Variants in BCAR3 observed in about 807,000 individuals in gnomAD.
BCAR3 encodes the protein breast cancer anti-estrogen resistance protein 3.
In BCAR3, 37 loss-of-function variants were observed where a neutral mutation model predicts 80.1. That is an observed-to-expected ratio of 0.46 (90% CI 0.36 to 0.61). BCAR3 has a LOEUF of 0.61. BCAR3 is among the 20% of genes least tolerant of loss of function. BCAR3 has a pLI of 0.00. For synonymous variants in BCAR3, 389 were observed against 418.9 expected, an observed-to-expected ratio of 0.93 and a Z score of 0.87; for missense variants, 978 against 1,068.2, an observed-to-expected ratio of 0.92 and a Z score of 1.18.
At chr1:93,608,764 G>T (rs1674857063) in intron 3 of BCAR3, among the ~76,000 whole-genome samples, 1 of 152,200 alleles carries the variant, frequency 6.6e-6, no homozygotes, top group Admixed American at 6.5e-5. Flanking sequence ...GATGCCAATG[G>T]AATGCATTTA....
chr1:93,688,802 GTTTT>G (rs1416396704), intron 3 of BCAR3, among the ~76,000 whole-genome samples: 1 of 138,130 alleles, frequency 7.2e-6, no homozygotes, highest in African/African-American at 3.0e-5. Flanking sequence ...TTGTTTGTTT[GTTTT>G]TTGTATTTTT....
intron 2 of BCAR3, among the ~76,000 whole-genome samples, chr1:93,821,286 T>C (rs1285308315): frequency 6.6e-6 from 1 of 152,116 alleles, no homozygotes; most frequent in Non-Finnish European, 1.5e-5. Flanking sequence ...AGGAATCTCC[T>C]GCAGAGGCCA....
intron 2 of BCAR3, among the ~76,000 whole-genome samples, chr1:93,731,475 CA>C (rs1650786725): frequency 6.6e-6 from 1 of 151,862 alleles, no homozygotes; most frequent in Non-Finnish European, 1.5e-5. Flanking sequence ...GATTCTATGC[CA>C]GGGGAAAGCC....
intron 2 of BCAR3, among the ~76,000 whole-genome samples, chr1:93,768,339 T>C (rs1652230559): frequency 6.6e-6 from 1 of 152,000 alleles, no homozygotes. Flanking sequence ...CAATCAACAG[T>C]AGAATCCATG....
At chr1:93,740,309 A>G (rs1041612815) in intron 2 of BCAR3, among the ~76,000 whole-genome samples, 3 of 152,184 alleles carry the variant, frequency 2.0e-5, no homozygotes, top group Non-Finnish European at 4.4e-5. Context: ...TAACAGCACA[A>G]AGTCAAAGGG....
chr1:93,737,667 C>T (rs1051342168), intron 2 of BCAR3, among the ~76,000 whole-genome samples: 2 of 152,192 alleles, frequency 1.3e-5, no homozygotes, highest in Non-Finnish European at 2.9e-5. Flanking sequence ...TCATTTGTTA[C>T]AGCAACCCTA....
chr1:93,580,243 T>C (rs1406331749), intron 7 of BCAR3, among the ~76,000 whole-genome samples: 1 of 152,184 alleles, frequency 6.6e-6, no homozygotes, highest in Non-Finnish European at 1.5e-5. Flanking sequence ...TGCAGGAGTG[T>C]TCTGAGACTG....
intron 2 of BCAR3, among the ~76,000 whole-genome samples, chr1:93,790,613 T>A (rs1311711745): frequency 8.4e-6 from 1 of 118,350 alleles, no homozygotes; most frequent in East Asian, 2.2e-4. Flanking sequence ...ACACTTATAG[T>A]CTTTTTTTTT....
At chr1:93,591,308 C>G (rs563875288) in intron 4 of BCAR3, among the ~76,000 whole-genome samples, 2 of 151,876 alleles carry the variant, frequency 1.3e-5, no homozygotes, top group South Asian at 2.1e-4. Flanking sequence ...AACCCCGTCT[C>G]TACTAAAAAT....
rs919862286 is a variant in BCAR3, at chr1:93,573,615, A to ATTTGTTTTTTTTT, written c.1803-1775_1803-1774insAAAAAAAAACAAA. On this transcript the variant is annotated intron_variant, in intron 8 of 11. Transcript: ENST00000260502. The stretch of plus-strand genomic sequence containing the variant: ...CATAGACCTAAAATATATTTTTATT[A>ATTTGTTTTTTTTT]TTATTATTATTATTATTATTTTTTT... Among the ~76,000 whole-genome samples, 5 of 129,794 alleles carry ATTTGTTTTTTTTT rather than the reference A, an allele frequency of 3.9e-5. 1 individual carries two copies. The highest frequency in any genetic ancestry group is 1.5e-4 in the Admixed American group (2 of 13,122). 85.1% of individuals were successfully genotyped at this position (129,794 alleles called of 152,430 possible).
At chr1:93,593,892 C>T (rs1674314370) in intron 3 of BCAR3, among the ~76,000 whole-genome samples, 1 of 152,150 alleles carries the variant, frequency 6.6e-6, no homozygotes, top group African/African-American at 2.4e-5. Flanking sequence ...GTTTACTTCT[C>T]CCTCCTTCTC....
intron 2 of BCAR3, among the ~76,000 whole-genome samples, chr1:93,673,889 A>C (rs1204006156): frequency 6.6e-6 from 1 of 152,246 alleles, no homozygotes. Flanking sequence ...CATAGTTCAG[A>C]ATCTGATGCT....
At chr1:93,763,333 G>C (rs1050416182) in intron 2 of BCAR3, among the ~76,000 whole-genome samples, 2 of 152,144 alleles carry the variant, frequency 1.3e-5, no homozygotes, top group Admixed American at 1.3e-4. Flanking sequence ...CAAAGTGCTG[G>C]GATTATAGAC....
At chr1:93,635,667 C>T (rs556993593) in intron 3 of BCAR3, among the ~76,000 whole-genome samples, 1 of 152,314 alleles carries the variant, frequency 6.6e-6, no homozygotes, top group South Asian at 2.1e-4. Context: ...TCACTGCTGG[C>T]GGTGTTTGAT....
At chr1:93,686,898 A>C (rs888901043) in intron 3 of BCAR3, among the ~76,000 whole-genome samples, 1 of 152,222 alleles carries the variant, frequency 6.6e-6, no homozygotes, top group African/African-American at 2.4e-5. Context: ...CAGGTACCAC[A>C]AACTAAATAA....
intron 3 of BCAR3, among the ~76,000 whole-genome samples, chr1:93,687,394 G>C (rs1003228617): frequency 6.6e-6 from 1 of 152,110 alleles, no homozygotes; most frequent in African/African-American, 2.4e-5. Context: ...TGCAAACTCC[G>C]TCTCTTGGGT....
chr1:93,685,563 AT>A (rs1176316221), upstream of BCAR3, among the ~76,000 whole-genome samples: 1 of 152,172 alleles, frequency 6.6e-6, no homozygotes, highest in Admixed American at 6.5e-5. Flanking sequence ...TTTACCAAAC[AT>A]TTAGCTTGTT....
chr1:93,629,251 G>A (rs1675536424), intron 3 of BCAR3, among the ~76,000 whole-genome samples: 1 of 152,148 alleles, frequency 6.6e-6, no homozygotes, highest in Admixed American at 6.5e-5. Context: ...GGCACACGCT[G>A]TCTCCCAGGC....
intron 3 of BCAR3, among the ~76,000 whole-genome samples, chr1:93,691,411 G>C (rs1649182778): frequency 6.6e-6 from 1 of 152,248 alleles, no homozygotes; most frequent in South Asian, 2.1e-4. Flanking sequence ...CTTCCCTGTG[G>C]GGTACACACA....
Sources: allele counts gnomAD v4.1 joint callset (sites outside exome capture counted in the v4.1 genomes callset), GRCh38; gene constraint gnomAD v4.1.1; transcripts MANE v1.5; gene names NCBI Gene and HGNC (gene_info 2026-07-23, HGNC 2026-07-21).